ANK1: variants seen among roughly 807,000 people sequenced by gnomAD.
ANK1 encodes ankyrin 1, also known as ankyrin-1.
ANK1 carries 51 observed loss-of-function variants against 210.4 expected under a neutral mutation model. That is an observed-to-expected ratio of 0.24 (90% CI 0.19 to 0.31). The LOEUF is 0.31. ANK1 is among the 10% of genes least tolerant of loss of function. ANK1 has a pLI of 1.00. For missense variants in ANK1, 2,051 were observed against 2,504.4 expected, an observed-to-expected ratio of 0.82 and a Z score of 3.86; for synonymous variants, 967 against 1,025.9, an observed-to-expected ratio of 0.94 and a Z score of 1.10.
At chr8:41,669,860 T>C (rs1021276167) in intron 38 of ANK1, among the ~76,000 whole-genome samples, 2 of 152,128 alleles carry the variant, frequency 1.3e-5, no homozygotes, top group African/African-American at 2.4e-5. Context: ...CTGCTCACCA[T>C]TCCCTCCCTA....
chr8:41,712,432 TGC>T (rs1826408559), intron 16 of ANK1, among the ~76,000 whole-genome samples: 1 of 152,228 alleles, frequency 6.6e-6, no homozygotes, highest in African/African-American at 2.4e-5. Flanking sequence ...GAGATACAAG[TGC>T]CACTGTGACT....
rs112209933 is a variant in ANK1 at position 41,655,404 on chromosome 8, AC to A, written c.*385del. 0.034 allele frequency: 10,465 copies of A among 310,108 alleles called. 268 individuals carry two copies. The highest frequency in any genetic ancestry group is 0.082 in the African/African-American group (3,773 of 46,034). 19.2% of individuals were successfully genotyped at this position (310,108 alleles called of 1,614,324 possible). The stretch of plus-strand genomic sequence containing the variant: ...GAAGTCAAAACAATTTAAAAAAAAA[AC>A]CCCAAAACCAAAACCCATCCCCAGC... On this transcript the variant is annotated 3_prime_UTR_variant, in exon 43 of 43. Transcript: ENST00000289734.
intron 6 of ANK1, among the ~76,000 whole-genome samples, chr8:41,725,360 G>A (rs1433272791): frequency 2.0e-5 from 3 of 152,200 alleles, no homozygotes; most frequent in African/African-American, 7.2e-5. Flanking sequence ...GTGCACGCAG[G>A]CGTGCAAGGT....
chr8:41,813,341 G>T (rs1802785405), intron 1 of ANK1, among the ~76,000 whole-genome samples: 1 of 152,160 alleles, frequency 6.6e-6, no homozygotes, highest in Non-Finnish European at 1.5e-5. Flanking sequence ...AGAAAGGTGG[G>T]AGAAATTCTG....
At chr8:41,663,787 G>A in intron 39 of ANK1, 45 bp from the exon 40 acceptor site, 1 of 1,485,578 alleles carries the variant, frequency 6.7e-7, no homozygotes, top group Middle Eastern at 1.7e-4. Context: ...GTGAGTGGGA[G>A]TCTGGGAGGA....
Position 41,845,591 on chromosome 8 carries a change from A to G in ANK1, c.126+50764T>C, listed in dbSNP as rs748881686. On this transcript the variant is annotated intron_variant, in intron 1 of 42. Coordinates refer to the ANK1 transcript ENST00000265709. ...TCTGGGGCTTGGGGGGGTCTGGATC[A>G]TGAAACAGTGACTCACTCCCTTCCT... Among the ~76,000 whole-genome samples the G allele has an allele frequency of 3.8e-4, 58 of 152,162 alleles. 1 individual carries two copies. The highest frequency in any genetic ancestry group is 6.8e-3 in the Middle Eastern group (2 of 294).
At chr8:41,849,756 C>A (rs1030216043) in intron 1 of ANK1, among the ~76,000 whole-genome samples, 1 of 152,212 alleles carries the variant, frequency 6.6e-6, no homozygotes, top group African/African-American at 2.4e-5. Context: ...GTCTTTTCTA[C>A]GTGATCTCTC....
rs546083304 is a variant in ANK1 at position 41,748,722 on chromosome 8, T to G, written c.129+9314A>C. Among the ~76,000 whole-genome samples the G allele has an allele frequency of 3.3e-5, 5 of 152,264 alleles. No individual in the cohort carries two copies. The South Asian group carries it at 1.0e-3, about 32-fold the overall frequency. ...CTTTGACTGGCTGGCTCTTGGAACA[T>G]TAGAACAGCTCAAAAAATATTTGTT... On this transcript the variant is annotated intron_variant, in intron 2 of 42. Coordinates refer to ENST00000289734, the MANE Select transcript of ANK1 (RefSeq NM_000037.4).
At position 41,868,196 on chromosome 8, in the gene ANK1, T is replaced by C. The variant is rs192609248; in HGVS notation, c.126+28159A>G. On this transcript the variant is annotated intron_variant, in intron 1 of 42. Coordinates refer to the ANK1 transcript ENST00000265709. ...TAATGATAAAAGCATGATAACAGTA[T>C]TAAGACAGGGTTTCTCAACCTCAGC... 1.2e-4 allele frequency among the ~76,000 whole-genome samples: 18 copies of C among 152,352 alleles called. No homozygotes were observed. The East Asian group carries it at 3.5e-3, about 29-fold the overall frequency.
At chr8:41,819,143 C>T (rs1461481872) in intron 1 of ANK1, among the ~76,000 whole-genome samples, 1 of 152,228 alleles carries the variant, frequency 6.6e-6, no homozygotes, top group Non-Finnish European at 1.5e-5. Flanking sequence ...GGTCCCCTCT[C>T]CACAGCAGAG....
intron 1 of ANK1, among the ~76,000 whole-genome samples, chr8:41,881,028 T>C (rs1417964724): frequency 6.6e-6 from 1 of 152,202 alleles, no homozygotes; most frequent in Non-Finnish European, 1.5e-5. Context: ...CTTGCCAGAG[T>C]ACAGAGAGTT....
chr8:41,662,718 A>G (rs2150545951), intron 40 of ANK1, among the ~76,000 whole-genome samples: 2 of 152,292 alleles, frequency 1.3e-5, no homozygotes, highest in African/African-American at 4.8e-5. Flanking sequence ...AGCAGCTCAC[A>G]GTGCAGGAGG....
At chr8:41,890,448 C>T (rs911507421) in intron 1 of ANK1, among the ~76,000 whole-genome samples, 10 of 152,214 alleles carry the variant, frequency 6.6e-5, no homozygotes, top group African/African-American at 2.4e-4. Context: ...ATGGCTCAAG[C>T]CTGTAATCCC....
In ANK1 at chr8:41,702,107, C is replaced by G; in HGVS notation, c.2333G>C (p.Gly778Ala). ...GAGCACGTCGGTGACAGAAATGTAG[C>G]CCAAGCGCTTGGCTATGGCCAGAGG... is the stretch of plus-strand genomic sequence containing the variant. ...TTPLAIAKRL[G>A]YISVTDVLKV... The change falls in exon 21 of 43, where the codon GGC becomes GCC. Residue 778 changes from glycine to alanine, a missense_variant. Physicochemically the swap from Gly to Ala is moderately conservative, Grantham distance 60. This residue lies in a region of ANK1 where 1,413 missense variants were observed against 1,707.4 expected (regional missense o/e 0.83). Transcript: ENST00000289734. 3 of 1,614,154 alleles carry G rather than the reference C, an allele frequency of 1.9e-6. No homozygotes were observed. Among genetic ancestry groups the G allele is most frequent in the South Asian group, 2.2e-5 (2 of 91,086 alleles).
At chr8:41,665,056 G>C (rs1173759594) in intron 39 of ANK1, 2 of 1,608,880 alleles carry the variant, frequency 1.2e-6, no homozygotes, top group Non-Finnish European at 1.7e-6. Context: ...TCCTCTGGCA[G>C]CCAGGGCCCC....
intron 1 of ANK1, among the ~76,000 whole-genome samples, chr8:41,786,696 T>C (rs1846477835): frequency 6.6e-6 from 1 of 152,084 alleles, no homozygotes; most frequent in Admixed American, 6.6e-5. Flanking sequence ...TGCCACACAC[T>C]AGTGTCTCTG....
chr8:41,751,387 A>G (rs1837668526), intron 2 of ANK1, among the ~76,000 whole-genome samples: 1 of 152,140 alleles, frequency 6.6e-6, no homozygotes, highest in Non-Finnish European at 1.5e-5. Flanking sequence ...GACCTGCTCG[A>G]TGTTACCAAG....
At chr8:41,762,410 A>G (rs937549190) in intron 1 of ANK1, among the ~76,000 whole-genome samples, 1 of 151,982 alleles carries the variant, frequency 6.6e-6, no homozygotes, top group African/African-American at 2.4e-5. Flanking sequence ...TTCTCTAGCT[A>G]TTGAATTCAG....
In ANK1 at chr8:41,698,105, T is replaced by A; in HGVS notation, c.2575A>T (p.Ile859Phe). The change falls in exon 24 of 43, where the codon ATC (isoleucine) becomes TTC (phenylalanine). Residue 859 changes from isoleucine to phenylalanine, a missense_variant. By Grantham distance (21) the Ile-to-Phe change is conservative. This residue lies in a region of ANK1 where 1,413 missense variants were observed against 1,707.4 expected (regional missense o/e 0.83). Coordinates refer to ENST00000289734, the MANE Select transcript of ANK1 (RefSeq NM_000037.4). ...KLDQVVESPA[I>F]PRIPCAMPET... ...GGCATGGCACAGGGAATCCTGGGGA[T>A]GGCTGGAGATTCCACCCTGCGTGCC... The A allele has an allele frequency of 6.2e-7, 1 of 1,614,138 alleles. No homozygotes were observed. Among genetic ancestry groups the A allele is most frequent in the Non-Finnish European group, 8.5e-7 (1 of 1,180,040 alleles).
Sources: gnomAD v4.1 joint callset for allele counts (sites outside exome capture counted in the v4.1 genomes callset) on GRCh38, gnomAD v4.1.1 for gene constraint, gnomAD v4.1.1 regional missense constraint, MANE v1.5 for transcripts, NCBI Gene and HGNC (gene_info 2026-07-23, HGNC 2026-07-21) for gene names.